Variants in MYOM2 observed in about 807,000 individuals in gnomAD.
MYOM2 encodes the protein myomesin-2.
MYOM2 carries 254 observed loss-of-function variants against 187.6 expected under a neutral mutation model. That is an observed-to-expected ratio of 1.35 (90% CI 1.22 to 1.50). The LOEUF (loss-of-function observed/expected upper bound fraction) is 1.50, where lower values mean the gene tolerates loss of function less well. Ranked by LOEUF, MYOM2 falls within the 40% of genes most tolerant of loss-of-function variation. The pLI, the probability that MYOM2 is intolerant of heterozygous loss-of-function variation, is 0.00. For synonymous variants in MYOM2, 981 were observed against 753.8 expected (o/e 1.30, Z -4.94); for missense variants, 2,796 against 1,924.0 (o/e 1.45, Z -8.48).
chr8:2,109,467 A>C lies in MYOM2; in HGVS notation c.3116A>C (p.Glu1039Ala), dbSNP rs1382294077. ...KGRVRFWLQA[E>A]HLSPDASYRF... Reference sequence around the variant, plus strand: ...CGGGTTCGCTTCTGGCTCCAGGCTGAGCACTTATCACCAGATGCCAGCTAC... The same window carrying C: ...CGGGTTCGCTTCTGGCTCCAGGCTGCGCACTTATCACCAGATGCCAGCTAC... The change falls in exon 25 of 37, where the codon GAG becomes GCG. Residue 1039 changes from glutamate to alanine, a missense_variant. Physicochemically the swap from Glu to Ala is moderately radical, Grantham distance 107. Transcript: ENST00000262113. The C allele has an allele frequency of 6.2e-7, 1 of 1,613,508 alleles. No homozygotes were observed. Among genetic ancestry groups the C allele is most frequent in the South Asian group, 1.1e-5 (1 of 91,026 alleles).
chr8:2,130,374 C>T (rs181697220), intron 32 of MYOM2, among the ~76,000 whole-genome samples: 13 of 120,316 alleles, frequency 1.1e-4, no homozygotes, highest in Non-Finnish European at 1.4e-4. Context: ...CCCCTCACTA[C>T]GCTATACCCA....
chr8:2,097,625 C>T (rs893373030), intron 18 of MYOM2, among the ~76,000 whole-genome samples: 7 of 152,286 alleles, frequency 4.6e-5, no homozygotes, highest in African/African-American at 1.7e-4. Flanking sequence ...AGCAATTCTC[C>T]TGCCTTAGCC....
chr8:2,087,927 G>C (rs1019658251), intron 14 of MYOM2, among the ~76,000 whole-genome samples: 1 of 152,186 alleles, frequency 6.6e-6, no homozygotes, highest in African/African-American at 2.4e-5. Context: ...GGCCAGGCAA[G>C]CCACAACACC....
At chr8:2,135,008 C>G (rs1252867360) in intron 32 of MYOM2, among the ~76,000 whole-genome samples, 1 of 152,132 alleles carries the variant, frequency 6.6e-6, no homozygotes, top group Non-Finnish European at 1.5e-5. Flanking sequence ...TCATCCGTGT[C>G]CACTTCTGCA....
chr8:2,071,414 C>G (rs1819212594), intron 8 of MYOM2, among the ~76,000 whole-genome samples: 1 of 152,132 alleles, frequency 6.6e-6, no homozygotes, highest in Non-Finnish European at 1.5e-5. Context: ...CCCCCTACCA[C>G]ACATATTTTT....
chr8:2,122,999 C>G (rs914165050), intron 28 of MYOM2, among the ~76,000 whole-genome samples: 1 of 152,086 alleles, frequency 6.6e-6, no homozygotes, highest in Non-Finnish European at 1.5e-5. Flanking sequence ...ATTTCATGGA[C>G]TAGAATGACG....
chr8:2,060,537 C>T (rs539442851), intron 6 of MYOM2, among the ~76,000 whole-genome samples: 30 of 152,060 alleles, frequency 2.0e-4, no homozygotes, highest in South Asian at 8.3e-4. Flanking sequence ...ATAAGTGAGA[C>T]ATTGGAACAT....
rs758823201 is a variant in MYOM2 at position 2,069,501 on chromosome 8, A to C, written c.793+4A>C. ...TCGGTGGGACTCCCGATTGGATGTAAGTGGGTTTTTGTTTCTTTTCTGTGT... is the reference window on the plus strand; with the variant it reads ...TCGGTGGGACTCCCGATTGGATGTACGTGGGTTTTTGTTTCTTTTCTGTGT... On this transcript the variant is annotated splice_donor_region_variant and intron_variant, in intron 8 of 36. Coordinates refer to ENST00000262113, the MANE Select transcript of MYOM2 (RefSeq NM_003970.4). 1.7e-5 allele frequency: 28 copies of C among 1,613,982 alleles called. No individual in the cohort carries two copies. The highest frequency in any genetic ancestry group is 8.0e-5 in the African/African-American group (6 of 74,890).
At chr8:2,064,864 C>T (rs935831833) in intron 6 of MYOM2, among the ~76,000 whole-genome samples, 9 of 152,224 alleles carry the variant, frequency 5.9e-5, no homozygotes, top group African/African-American at 2.2e-4. Context: ...CTGTACCCCT[C>T]CCAGCTATCC....
At chr8:2,078,125 G>A (rs1344683582) in intron 11 of MYOM2, among the ~76,000 whole-genome samples, 1 of 152,182 alleles carries the variant, frequency 6.6e-6, no homozygotes, top group African/African-American at 2.4e-5. Context: ...AAAAACAGAG[G>A]TTAATCTTTC....
chr8:2,097,584 G>A (rs940739102), intron 18 of MYOM2, among the ~76,000 whole-genome samples: 2 of 152,006 alleles, frequency 1.3e-5, no homozygotes, highest in African/African-American at 2.4e-5. Flanking sequence ...GCACGATCTC[G>A]GCTCACTGCA....
At chr8:2,100,770 G>T in intron 19 of MYOM2, 106 bp from the exon 20 acceptor site, 1 of 1,069,114 alleles carries the variant, frequency 9.4e-7, no homozygotes, top group Non-Finnish European at 1.4e-6. Flanking sequence ...GGATGGTCCT[G>T]GTGGGGGGCT....
intron 7 of MYOM2, 35 bp from the exon 8 acceptor site, chr8:2,069,412 C>G (rs765139492): frequency 6.2e-7 from 1 of 1,613,974 alleles, no homozygotes; most frequent in Non-Finnish European, 8.5e-7. Flanking sequence ...GCCTCCTTTT[C>G]TCTTTTCTGC....
At position 2,141,139 on chromosome 8, in the gene MYOM2, A is replaced by G; in HGVS notation, c.3965-2A>G. ...AGTAACGTATGAACTATTTCCTCAC[A>G]GCTTTTGATGAAGCATTTGCAGAAT... On this transcript the variant is annotated splice_acceptor_variant, in intron 33 of 36. Transcript: ENST00000262113. LOFTEE classifies it high-confidence loss of function. The G allele has an allele frequency of 1.2e-6, 2 of 1,611,846 alleles. No individual in the cohort carries two copies. Among genetic ancestry groups the G allele is most frequent in the Non-Finnish European group, 1.7e-6 (2 of 1,178,340 alleles).
rs535630718 is a variant in MYOM2 at position 2,061,365 on chromosome 8, C to T, written c.653+2120C>T. Among the ~76,000 whole-genome samples the T allele has an allele frequency of 7.9e-5, 12 of 152,260 alleles. No individual in the cohort carries two copies. The South Asian group carries it at 8.3e-4, about 11-fold the overall frequency. Reference sequence around the variant, plus strand: ...TTAGTAAGGGACTAGTCTTTGTCCCCGTCCAGCCTGGCAGAAAGTTGGGCT... The same window carrying T: ...TTAGTAAGGGACTAGTCTTTGTCCCTGTCCAGCCTGGCAGAAAGTTGGGCT... On this transcript the variant is annotated intron_variant, in intron 6 of 36. Coordinates refer to ENST00000262113, the MANE Select transcript of MYOM2 (RefSeq NM_003970.4).
At chr8:2,097,095 C>T (rs2116758380) in intron 18 of MYOM2, 1 of 980,816 alleles carries the variant, frequency 1.0e-6, no homozygotes, top group East Asian at 1.1e-4. Context: ...AGCCACAGAC[C>T]TCAGGGGAGT....
chr8:2,118,631 A>C (rs1797325509), intron 28 of MYOM2, among the ~76,000 whole-genome samples: 1 of 152,222 alleles, frequency 6.6e-6, no homozygotes, highest in Non-Finnish European at 1.5e-5. Context: ...GGTTCTAGGA[A>C]GATCCAGCAG....
At chr8:2,088,706 A>G (rs1796182419) in intron 14 of MYOM2, among the ~76,000 whole-genome samples, 1 of 152,206 alleles carries the variant, frequency 6.6e-6, no homozygotes, top group Admixed American at 6.5e-5. Context: ...ACTTTTGAGA[A>G]CAGTGCTGTG....
intron 9 of MYOM2, among the ~76,000 whole-genome samples, chr8:2,072,954 T>C (rs968438148): frequency 1.3e-5 from 2 of 152,218 alleles, no homozygotes; most frequent in South Asian, 2.1e-4. Context: ...TCTTTGGAGA[T>C]GTGACAGTAG....
Sources: allele counts gnomAD v4.1 joint callset (sites outside exome capture counted in the v4.1 genomes callset), GRCh38; gene constraint gnomAD v4.1.1; transcripts MANE v1.5; gene names NCBI Gene and HGNC (gene_info 2026-07-23, HGNC 2026-07-21).